Variants in KCNQ2 observed in about 807,000 individuals in gnomAD.
The protein encoded by KCNQ2 is potassium voltage-gated channel subfamily Q member 2, also known as potassium voltage-gated channel subfamily KQT member 2.
A neutral mutation model predicts 84.8 loss-of-function variants in KCNQ2; 14 were observed. The observed-to-expected ratio is 0.17, with a 90% CI of 0.11 to 0.26. The LOEUF (loss-of-function observed/expected upper bound fraction) is 0.26. Ranked by LOEUF, KCNQ2 falls within the 10% of genes least tolerant of loss-of-function variation. The pLI is 1.00. For missense variants in KCNQ2, 788 were observed against 1,254.0 expected (o/e 0.63, Z 5.61); for synonymous variants, 599 against 554.1 (o/e 1.08, Z -1.14).
Position 63,460,109 on chromosome 20 carries a change from C to T in KCNQ2, c.296+12059G>A, listed in dbSNP as rs1568968747. 1 of 152,312 alleles carries T rather than the reference C, an allele frequency of 6.6e-6. No homozygotes were observed. Among genetic ancestry groups the T allele is most frequent in the Non-Finnish European group, 1.5e-5 (1 of 68,118 alleles). The allele number at this position is 152,312 out of a possible 1,614,324, so 9.4% of individuals were successfully genotyped here. A position where few individuals can be genotyped will look rare whatever the true frequency, so the allele number is the denominator to read the frequency against. ...TGTCCCCATCCCAGCCCAGCCTACT[C>T]CTCCCCAAACCCGAGCCCCGGAGCT... On this transcript the variant is annotated intron_variant, in intron 1 of 16. Transcript: ENST00000359125. The surrounding 1 kb of genome is among the most constrained non-coding windows in gnomAD (Gnocchi z 5.4).
chr20:63,443,544 TGACCATCATGACCATCAC>T (rs2081327375), intron 4 of KCNQ2: 1 of 76,194 alleles, frequency 1.3e-5, no homozygotes, highest in Admixed American at 1.4e-4. Context: ...ACCACCACCA[TGACCATCATGACCATCAC>T]CACCACCACC....
At position 63,442,624 on chromosome 20, in the gene KCNQ2, G is replaced by A. The variant is rs1231849996; in HGVS notation, c.691-93C>T. 65 of 1,247,466 alleles carry A rather than the reference G, an allele frequency of 5.2e-5. 1 individual carries two copies. Among genetic ancestry groups the A allele is most frequent in the Admixed American group, 4.4e-4 (22 of 50,054 alleles). The allele number at this position is 1,247,466 out of a possible 1,614,324, so 77.3% of individuals were successfully genotyped here. A position where few individuals can be genotyped will look rare whatever the true frequency, so the allele number is the denominator to read the frequency against. ...ACCACCACCATCACATCAACACCAT[G>A]ACCACCATCACCACCACCAAAACCA... On this transcript the variant is annotated intron_variant, in intron 4 of 16. Coordinates refer to ENST00000359125, the MANE Select transcript of KCNQ2 (RefSeq NM_172107.4).
rs545236920 is a variant in KCNQ2 at position 63,423,873 on chromosome 20, G to C, written c.1247+304C>G. ...GCACTAACAGAGACCCCCTGCCTCCGAGAACCCTGGGGCCAGACTTGTGGG... is the reference window on the plus strand; with the variant it reads ...GCACTAACAGAGACCCCCTGCCTCCCAGAACCCTGGGGCCAGACTTGTGGG... On this transcript the variant is annotated intron_variant, in intron 11 of 16. Transcript: ENST00000359125. 25 of 504,904 alleles carry C rather than the reference G, an allele frequency of 5.0e-5. No homozygotes were observed. The South Asian group carries it at 5.5e-4, about 11-fold the overall frequency. 31.3% of individuals were successfully genotyped at this position (504,904 alleles called of 1,614,324 possible).
intron 8 of KCNQ2, among the ~76,000 whole-genome samples, chr20:63,431,795 G>T (rs1040319399): frequency 3.3e-5 from 5 of 152,168 alleles, no homozygotes; most frequent in African/African-American, 9.7e-5. Flanking sequence ...TCCTCAAGAA[G>T]AATCCTGGGC....
chr20:63,461,850 GA>G (rs2081959848), intron 1 of KCNQ2, among the ~76,000 whole-genome samples: 1 of 138,340 alleles, frequency 7.2e-6, no homozygotes, highest in South Asian at 2.4e-4. Flanking sequence ...GGGCAGCAGG[GA>G]GGAGGCAGCA....
chr20:63,461,699 G>A (rs1459408214), intron 1 of KCNQ2, among the ~76,000 whole-genome samples: 2 of 151,406 alleles, frequency 1.3e-5, no homozygotes, highest in South Asian at 4.4e-4. Flanking sequence ...CAGCAGGGAG[G>A]AGGAGGCTGT....
Position 63,438,417 on chromosome 20 carries a change from G to C in KCNQ2, c.1023+208C>G. On this transcript the variant is annotated intron_variant, in intron 7 of 16. Coordinates refer to ENST00000359125, the MANE Select transcript of KCNQ2 (RefSeq NM_172107.4). The surrounding 1 kb of genome is among the most constrained non-coding windows in gnomAD (Gnocchi z 5.1). ...AAGGGCCACCCCAGCGTCCTCACAC[G>C]AGCCACCCCTGTGCAGCCTCAGGGG... 1.6e-6 allele frequency: 1 copy of C among 624,270 alleles called. No homozygotes were observed. Among genetic ancestry groups the C allele is most frequent in the Non-Finnish European group, 2.9e-6 (1 of 345,156 alleles). 38.7% of individuals were successfully genotyped at this position (624,270 alleles called of 1,614,324 possible).
At chr20:63,415,313 G>A (rs1002480701) in intron 12 of KCNQ2, among the ~76,000 whole-genome samples, 187 bp from the exon 13 acceptor site, 1 of 150,648 alleles carries the variant, frequency 6.6e-6, no homozygotes, top group African/African-American at 2.5e-5. Context: ...CCGGCGGGAG[G>A]GAGGGAGGGG....
intron 1 of KCNQ2, among the ~76,000 whole-genome samples, chr20:63,456,968 G>A (rs2081816929): frequency 1.3e-5 from 2 of 152,230 alleles, no homozygotes; most frequent in Non-Finnish European, 2.9e-5. Flanking sequence ...GACTGCTCGA[G>A]CCTCCCTGGG....
intron 1 of KCNQ2, among the ~76,000 whole-genome samples, chr20:63,458,742 G>A (rs1323363319): frequency 2.0e-5 from 3 of 152,230 alleles, no homozygotes; most frequent in African/African-American, 2.4e-5. Context: ...CCAGGCAGGC[G>A]GCAGCCAAGA....
chr20:63,418,620 G>A (rs550495763), intron 12 of KCNQ2, among the ~76,000 whole-genome samples: 10 of 152,316 alleles, frequency 6.6e-5, no homozygotes, highest in East Asian at 1.9e-4. Flanking sequence ...ACCAGCCTGC[G>A]GCCAGAAGCA....
At chr20:63,431,563 G>A (rs996353521) in intron 8 of KCNQ2, among the ~76,000 whole-genome samples, 194 bp from the exon 9 acceptor site, 3 of 152,084 alleles carry the variant, frequency 2.0e-5, no homozygotes, top group South Asian at 2.1e-4. Flanking sequence ...GGGCATGGCC[G>A]ACATTCCCAG....
intron 11 of KCNQ2, chr20:63,423,862 C>A: frequency 4.1e-6 from 2 of 487,790 alleles, no homozygotes; most frequent in African/African-American, 2.0e-5. Flanking sequence ...TAACAGAGAC[C>A]CCCTGCCTCC....
At position 63,446,641 on chromosome 20, in the gene KCNQ2, C is replaced by G. The variant is rs899162039; in HGVS notation, c.387+106G>C. On this transcript the variant is annotated intron_variant, in intron 2 of 16. Transcript: ENST00000359125. This position sits in a 1 kb window ranked among gnomAD's most constrained non-coding sequence, Gnocchi z 5.5. The stretch of plus-strand genomic sequence containing the variant: ...CACAAAGACATGGCCAGAGCTGGGG[C>G]TGGGGGCGTCAGAGGCCCTGTAGTA... The G allele has an allele frequency of 1.2e-5, 11 of 922,828 alleles. No homozygotes were observed. Among genetic ancestry groups the G allele is most frequent in the Admixed American group, 1.8e-5 (1 of 55,044 alleles). The allele number at this position is 922,828 out of a possible 1,614,324, so 57.2% of individuals were successfully genotyped here. A position where few individuals can be genotyped will look rare whatever the true frequency, so the allele number is the denominator to read the frequency against.
At chr20:63,469,142 C>T (rs988721709) in intron 1 of KCNQ2, among the ~76,000 whole-genome samples, 8 of 152,188 alleles carry the variant, frequency 5.3e-5, no homozygotes. Context: ...GGCTGGAGCC[C>T]GGGATTCAGG....
At chr20:63,442,917 TCACCACCA>T (rs2081250488) in intron 4 of KCNQ2, among the ~76,000 whole-genome samples, 2 of 6,460 alleles carry the variant, frequency 3.1e-4, no homozygotes, top group Non-Finnish European at 3.2e-4. Context: ...ACCATCACCA[TCACCACCA>T]TCACCATCAC....
chr20:63,414,113 G>A lies in KCNQ2; in HGVS notation c.1606C>T (p.Leu536Phe), dbSNP rs1476142623. The part of the protein sequence containing the change: ...EFVTEDLTPG[L>F]KVSIRAVCVM... ...CACACGGCTCTGATGCTGACTTTGA[G>A]GCCCGGGGTCAGGTCCTCGGTCACA... Residue 536 changes from leucine to phenylalanine, a missense_variant, in exon 14 of 17, where the codon CTC becomes TTC. By Grantham distance (22) the Leu-to-Phe change is conservative (BLOSUM62 0). Transcript: ENST00000359125. The surrounding 1 kb of genome is among the most constrained non-coding windows in gnomAD (Gnocchi z 6.6). 6.2e-7 allele frequency: 1 copy of A among 1,613,616 alleles called. No individual in the cohort carries two copies. The highest frequency in any genetic ancestry group is 1.3e-5 in the African/African-American group (1 of 75,044).
intron 14 of KCNQ2, among the ~76,000 whole-genome samples, chr20:63,413,884 C>A (rs2145545301): frequency 6.6e-6 from 1 of 152,340 alleles, no homozygotes; most frequent in South Asian, 2.1e-4. Flanking sequence ...GAACCGGCAT[C>A]CCACCCGAAA....
At position 63,438,285 on chromosome 20, in the gene KCNQ2, G is replaced by T; in HGVS notation, c.1023+340C>A. On this transcript the variant is annotated intron_variant, in intron 7 of 16. Coordinates refer to ENST00000359125, the MANE Select transcript of KCNQ2 (RefSeq NM_172107.4). This position sits in a 1 kb window ranked among gnomAD's most constrained non-coding sequence, Gnocchi z 5.1. Reference sequence around the variant, plus strand: ...AGGTCAGGCACTGACTCACTGCAGTGTGTGGGCTCTAGGAGCCTTGGCCCT... The same window carrying T: ...AGGTCAGGCACTGACTCACTGCAGTTTGTGGGCTCTAGGAGCCTTGGCCCT... 2.3e-6 allele frequency: 1 copy of T among 436,318 alleles called. No homozygotes were observed. The highest frequency in any genetic ancestry group is 4.3e-6 in the Non-Finnish European group (1 of 232,316). The allele number at this position is 436,318 out of a possible 1,614,324, so 27.0% of individuals were successfully genotyped here.
Sources: allele counts gnomAD v4.1 joint callset (sites outside exome capture counted in the v4.1 genomes callset), GRCh38; gene constraint gnomAD v4.1.1; non-coding constraint Gnocchi (gnomAD v3.1); transcripts MANE v1.5; gene names NCBI Gene and HGNC (gene_info 2026-07-23, HGNC 2026-07-21).